Variants in GPC6 observed in about 807,000 individuals in gnomAD.
GPC6 encodes the protein glypican 6, also known as glypican-6.
A neutral mutation model predicts 55.2 loss-of-function variants in GPC6; 14 were observed. The ratio of observed to expected loss-of-function variants is 0.25; its 90% CI spans 0.17 to 0.40. GPC6 has a LOEUF of 0.40. Ranked by LOEUF, GPC6 falls within the 10% of genes least tolerant of loss-of-function variation. The pLI is 1.00. For synonymous variants in GPC6, 278 were observed against 259.6 expected (o/e 1.07, Z -0.68); for missense variants, 641 against 708.5 (o/e 0.90, Z 1.08).
chr13:93,899,941 A>G (rs943298968), intron 3 of GPC6, among the ~76,000 whole-genome samples: 3 of 152,178 alleles, frequency 2.0e-5, no homozygotes, highest in African/African-American at 7.2e-5. Flanking sequence ...AGTTTGGAAA[A>G]TAATACATTA....
At chr13:93,285,680 T>A (rs760464759) in intron 1 of GPC6, among the ~76,000 whole-genome samples, 25 of 132,264 alleles carry the variant, frequency 1.9e-4, no homozygotes, top group Non-Finnish European at 3.6e-4. Flanking sequence ...TTGGTGGCAG[T>A]CAAACAACAG....
At chr13:94,393,578 T>C (rs189167713) in intron 7 of GPC6, among the ~76,000 whole-genome samples, 36 of 152,302 alleles carry the variant, frequency 2.4e-4, no homozygotes, top group Non-Finnish European at 4.6e-4. Context: ...ACCCTTCTCA[T>C]TGTGCCTTGA....
intron 4 of GPC6, among the ~76,000 whole-genome samples, chr13:94,166,440 G>C (rs1247292534): frequency 6.6e-6 from 1 of 152,090 alleles, no homozygotes; most frequent in Non-Finnish European, 1.5e-5. Context: ...GTTGCAACCT[G>C]AGCCTGAATT....
At chr13:93,476,755 T>C (rs1412267676) in intron 1 of GPC6, among the ~76,000 whole-genome samples, 1 of 152,218 alleles carries the variant, frequency 6.6e-6, no homozygotes, top group Non-Finnish European at 1.5e-5. Flanking sequence ...AAATGACTTT[T>C]TTTTGTAAGA....
At chr13:93,768,813 A>G (rs1885202295) in intron 2 of GPC6, among the ~76,000 whole-genome samples, 1 of 152,152 alleles carries the variant, frequency 6.6e-6, no homozygotes, top group African/African-American at 2.4e-5. Context: ...GTACACATTT[A>G]TGGTAAAAAG....
intron 1 of GPC6, among the ~76,000 whole-genome samples, chr13:93,306,514 A>C (rs1878862339): frequency 6.6e-6 from 1 of 152,156 alleles, no homozygotes; most frequent in Non-Finnish European, 1.5e-5. Flanking sequence ...GGGGACAACA[A>C]AATATAATCA....
chr13:94,253,841 G>C (rs140555727), intron 4 of GPC6, among the ~76,000 whole-genome samples: 8 of 152,236 alleles, frequency 5.3e-5, no homozygotes, highest in African/African-American at 1.9e-4. Context: ...GTTTGTGACA[G>C]TAAATGACGG....
At chr13:93,743,870 C>T (rs1884293919) in intron 2 of GPC6, among the ~76,000 whole-genome samples, 1 of 152,136 alleles carries the variant, frequency 6.6e-6, no homozygotes, top group Non-Finnish European at 1.5e-5. Context: ...CCTGATCAAA[C>T]TGATACTTAG....
intron 4 of GPC6, among the ~76,000 whole-genome samples, chr13:94,181,511 G>C (rs1341289557): frequency 6.6e-6 from 1 of 152,160 alleles, no homozygotes; most frequent in Non-Finnish European, 1.5e-5. Flanking sequence ...GAGCTAACAA[G>C]GATTTAAAAC....
At chr13:93,633,567 C>T (rs956291974) in intron 2 of GPC6, among the ~76,000 whole-genome samples, 3 of 151,744 alleles carry the variant, frequency 2.0e-5, no homozygotes, top group South Asian at 2.1e-4. Flanking sequence ...ACCCAGCAGG[C>T]GGAGGTTGCC....
chr13:93,919,505 C>T (rs1030706347), intron 3 of GPC6, among the ~76,000 whole-genome samples: 2 of 152,134 alleles, frequency 1.3e-5, no homozygotes, highest in African/African-American at 4.8e-5. Context: ...TTTCTTTGGC[C>T]TGCCTCCTTT....
chr13:93,330,339 G>A (rs1170602937), intron 1 of GPC6, among the ~76,000 whole-genome samples: 2 of 152,072 alleles, frequency 1.3e-5, no homozygotes, highest in African/African-American at 2.4e-5. Flanking sequence ...AGCCTGGGTA[G>A]CATGGCAAGA....
chr13:94,118,785 A>G (rs1321728024), intron 4 of GPC6, among the ~76,000 whole-genome samples: 2 of 152,094 alleles, frequency 1.3e-5, no homozygotes, highest in African/African-American at 4.8e-5. Context: ...AAGGGAGTTC[A>G]ACAGAGTCAG....
At chr13:93,375,583 A>G (rs767732155) in intron 1 of GPC6, among the ~76,000 whole-genome samples, 2 of 152,202 alleles carry the variant, frequency 1.3e-5, no homozygotes, top group African/African-American at 2.4e-5. Flanking sequence ...ACCAGAGGAA[A>G]GAATGAGTCT....
chr13:93,256,063 C>T (rs1237348631), intron 1 of GPC6, among the ~76,000 whole-genome samples: 1 of 149,854 alleles, frequency 6.7e-6, no homozygotes, highest in Non-Finnish European at 1.5e-5. Flanking sequence ...ATGAGAATTG[C>T]TTGAGATGTT....
intron 1 of GPC6, among the ~76,000 whole-genome samples, chr13:93,467,764 A>G (rs1463821869): frequency 6.6e-6 from 1 of 150,800 alleles, no homozygotes; most frequent in Non-Finnish European, 1.5e-5. Context: ...TTTTATTTTT[A>G]TTTTTTTGTA....
chr13:93,370,904 C>T (rs534925920), intron 1 of GPC6, among the ~76,000 whole-genome samples: 112 of 152,148 alleles, frequency 7.4e-4, no homozygotes, highest in South Asian at 3.7e-3. Flanking sequence ...TTATATAGAC[C>T]AATGACATTT....
chr13:94,001,926 G>T (rs1333471186), intron 3 of GPC6, among the ~76,000 whole-genome samples: 2 of 152,066 alleles, frequency 1.3e-5, no homozygotes, highest in African/African-American at 4.8e-5. Context: ...GTGAACTGTT[G>T]GAAAAGTGCT....
intron 2 of GPC6, among the ~76,000 whole-genome samples, chr13:93,736,706 G>A (rs1884015504): frequency 6.6e-6 from 1 of 152,120 alleles, no homozygotes; most frequent in South Asian, 2.1e-4. Context: ...TTTACCAGTT[G>A]AAGAAAAATA....
Sources: allele counts gnomAD v4.1 joint callset (sites outside exome capture counted in the v4.1 genomes callset), GRCh38; gene constraint gnomAD v4.1.1; transcripts MANE v1.5; gene names NCBI Gene and HGNC (gene_info 2026-07-23, HGNC 2026-07-21).